AGRN: variants seen among roughly 807,000 people sequenced by gnomAD.
AGRN encodes the protein agrin, also known as agrin proteoglycan.
Under a neutral mutation model 211.0 loss-of-function variants are expected in AGRN, and 106 were observed. The observed-to-expected ratio is 0.50, with a 90% CI of 0.43 to 0.59. The LOEUF (loss-of-function observed/expected upper bound fraction) is 0.59, where lower values mean the gene tolerates loss of function less well. Ranked by LOEUF, AGRN falls within the 20% of genes least tolerant of loss-of-function variation. The probability of loss-of-function intolerance (pLI) is 0.00; values close to 1 mark genes in which losing one functional copy is unlikely to be tolerated. For synonymous variants in AGRN, 1,525 were observed against 1,332.5 expected, an observed-to-expected ratio of 1.14 and a Z score of -3.15; for missense variants, 3,040 against 2,982.6, an observed-to-expected ratio of 1.02 and a Z score of -0.45.
chr1:1,049,260 G>T lies in AGRN; in HGVS notation c.4323G>T (p.Ala1441=). 1 of 1,590,698 alleles carries T rather than the reference G, an allele frequency of 6.3e-7. No homozygotes were observed. The highest frequency in any genetic ancestry group is 2.3e-5 in the East Asian group (1 of 44,336). The stretch of plus-strand genomic sequence containing the variant: ...GGTTTGACACAGGTTCGGGGCCGGC[G>T]GTGCTGACCAGTGCCGTGCCGGTAG... ...QLRFDTGSGP[A]VLTSAVPVEP... Residue 1441 remains alanine (A), a synonymous_variant, in exon 25 of 36, where the codon GCG becomes GCT. Transcript: ENST00000379370.
chr1:1,053,654 C>T (rs1645371791), intron 33 of AGRN, 99 bp from the exon 34 acceptor site: 2 of 1,493,876 alleles, frequency 1.3e-6, no homozygotes, highest in Non-Finnish European at 1.8e-6. Context: ...CCGTCACAGC[C>T]CTTGTGGCCT....
intron 3 of AGRN, among the ~76,000 whole-genome samples, chr1:1,040,344 G>C (rs1211720918): frequency 2.0e-5 from 3 of 152,232 alleles, no homozygotes; most frequent in African/African-American, 4.8e-5. Context: ...TGGGTGGGAA[G>C]TGGGTGCTCG....
rs565710386 is a variant in AGRN, at chr1:1,039,400, C to G, written c.512-1265C>G. ...GGCTCCAGCTCCCAGTGCACCCACC[C>G]TCCTTGGAGATGGGGGGGGTTCCTC... On this transcript the variant is annotated intron_variant, in intron 3 of 35. Coordinates refer to ENST00000379370, the MANE Select transcript of AGRN (RefSeq NM_198576.4). Among the ~76,000 whole-genome samples, 334 of 74,340 alleles carry G rather than the reference C, an allele frequency of 4.5e-3. 1 individual carries two copies. The highest frequency in any genetic ancestry group is 0.01 in the Admixed American group (61 of 5,814). 48.8% of individuals were successfully genotyped at this position (74,340 alleles called of 152,430 possible).
chr1:1,053,483 G>T, intron 33 of AGRN: 1 of 1,507,166 alleles, frequency 6.6e-7, no homozygotes, highest in Non-Finnish European at 8.9e-7. Flanking sequence ...GGATTCCGGG[G>T]CCCTTCACAG....
Position 1,047,599 on chromosome 1 carries a change from C to G in AGRN, c.3543C>G (p.Asp1181Glu). ...STLDDLFRNS[D>E]VKKDFRSVRL... ...TGGACGACCTCTTCCGGAATTCAGACGTCAAGAAGGATTTTCGGAGTGTCC... is the reference window on the plus strand; with the variant it reads ...TGGACGACCTCTTCCGGAATTCAGAGGTCAAGAAGGATTTTCGGAGTGTCC... The change falls in exon 21 of 36, where the codon GAC becomes GAG. Residue 1181 changes from aspartate to glutamate, a missense_variant. This residue lies in a region of AGRN where 1,537 missense variants were observed against 1,505.0 expected (regional missense o/e 1.02). Coordinates refer to ENST00000379370, the MANE Select transcript of AGRN (RefSeq NM_198576.4). 1 of 1,612,988 alleles carries G rather than the reference C, an allele frequency of 6.2e-7. No homozygotes were observed. The highest frequency in any genetic ancestry group is 8.5e-7 in the Non-Finnish European group (1 of 1,180,026).
chr1:1,053,918 G>A lies in AGRN; in HGVS notation c.5817G>A (p.Val1939=), dbSNP rs371378860. ...GCTACAACCTGGGCTCCCAGCCCGT[G>A]GTGCTGCGTTCCACCGTGCCCGTCA... ...QLSYNLGSQP[V]VLRSTVPVNT... is the part of the protein sequence containing the mutation. The change falls in exon 34 of 36, where the codon GTG becomes GTA. Residue 1939 remains valine, a synonymous_variant. Transcript: ENST00000379370. 41 of 1,606,816 alleles carry A rather than the reference G, an allele frequency of 2.6e-5. No homozygotes were observed. In the African/African-American group the frequency reaches 4.9e-4, roughly 19 times the overall value.
rs199563268 is a variant in AGRN, at chr1:1,043,262, G to A, written c.1408G>A (p.Gly470Arg). The A allele has an allele frequency of 2.4e-5, 38 of 1,609,968 alleles. No individual in the cohort carries two copies. Among genetic ancestry groups the A allele is most frequent in the South Asian group, 2.2e-4 (20 of 90,136 alleles). The change falls in exon 8 of 36, where the codon GGG becomes AGG. Residue 470 changes from glycine (G) to arginine (R), a missense_variant. Physicochemically the swap from Gly to Arg is moderately radical, Grantham distance 125 (BLOSUM62 -2). Around this residue, in one of 3 missense-constraint regions of AGRN, gnomAD observed 1,498 missense variants for 1,457.8 expected, o/e 1.03. Transcript: ENST00000379370. ...AGACCAGGCCCCGTCCCCATGCCTC[G>A]GGGTGCAGTGTGCATTTGGGGCGAC... The part of the protein sequence containing the change: ...PCDQAPSPCL[G>R]VQCAFGATCA...
In AGRN at chr1:1,048,617, A is replaced by C; in HGVS notation, c.4106-250A>C. On this transcript the variant is annotated intron_variant, in intron 23 of 35. Coordinates refer to ENST00000379370, the MANE Select transcript of AGRN (RefSeq NM_198576.4). The surrounding 1 kb of genome is among the most constrained non-coding windows in gnomAD (Gnocchi z 5.9). Reference sequence around the variant, plus strand: ...GACACTCTGTCTCTACTAAAAATACAAAATTAGCCGGGCGTGGTGGTGGGC... The same window carrying C: ...GACACTCTGTCTCTACTAAAAATACCAAATTAGCCGGGCGTGGTGGTGGGC... 1 of 597,518 alleles carries C rather than the reference A, an allele frequency of 1.7e-6. No individual in the cohort carries two copies. Among genetic ancestry groups the C allele is most frequent in the Non-Finnish European group, 2.9e-6 (1 of 346,876 alleles). 37.0% of individuals were successfully genotyped at this position (597,518 alleles called of 1,614,324 possible).
In AGRN at chr1:1,051,568, G is replaced by A; in HGVS notation, c.5486G>A (p.Gly1829Glu). 1 of 1,590,514 alleles carries A rather than the reference G, an allele frequency of 6.3e-7. No homozygotes were observed. Among genetic ancestry groups the A allele is most frequent in the Non-Finnish European group, 8.6e-7 (1 of 1,167,338 alleles). The change falls in exon 32 of 36, where the codon GGG (glycine) becomes GAG (glutamate). Residue 1829 changes from glycine (G) to glutamate (E), a missense_variant. Gly to Glu is a moderately conservative substitution (Grantham distance 98, BLOSUM62 -2). Coordinates refer to ENST00000379370, the MANE Select transcript of AGRN (RefSeq NM_198576.4). ...TRASGHPCLN[G>E]ASCVPREAAY... ...GCCTCAGGCCACCCCTGCCTCAATG[G>A]GGCCTCCTGCGTCCCGAGGGAGGCT...
Position 1,042,037 on chromosome 1 carries a change from C to T in AGRN, c.1259C>T (p.Thr420Ile). Residue 420 changes from threonine to isoleucine, a missense_variant, in exon 7 of 36, where the codon ACC becomes ATC. By Grantham distance (89) the Thr-to-Ile change is moderately conservative. Around this residue, in one of 3 missense-constraint regions of AGRN, gnomAD observed 1,498 missense variants for 1,457.8 expected, o/e 1.03. Coordinates refer to ENST00000379370, the MANE Select transcript of AGRN (RefSeq NM_198576.4). The part of the protein sequence containing the change: ...GRPRCSCDRV[T>I]CDGAYRPVCA... ...CCCCGCTGCTCCTGCGACCGCGTCA[C>T]CTGTGACGGGGCCTACAGGCCCGTG... 2 of 1,609,874 alleles carry T rather than the reference C, an allele frequency of 1.2e-6. No individual in the cohort carries two copies. Among genetic ancestry groups the T allele is most frequent in the Non-Finnish European group, 1.7e-6 (2 of 1,179,626 alleles).
Position 1,048,791 on chromosome 1 carries a change from CAGG to C in AGRN, c.4106-75_4106-73del. 1 of 1,317,980 alleles carries C rather than the reference CAGG, an allele frequency of 7.6e-7. No homozygotes were observed. The highest frequency in any genetic ancestry group is 1.0e-6 in the Non-Finnish European group (1 of 995,050). 81.6% of individuals were successfully genotyped at this position (1,317,980 alleles called of 1,614,324 possible). A position where few individuals can be genotyped will look rare whatever the true frequency, so the allele number is the denominator to read the frequency against. Reference sequence around the variant, plus strand: ...TCAAAAAAAAAAAAAAAAAAAAAAGCAGGGGGCGGTTTCAGGGATAAAAGTGGG... The same window carrying C: ...TCAAAAAAAAAAAAAAAAAAAAAAGCGGGCGGTTTCAGGGATAAAAGTGGG... On this transcript the variant is annotated intron_variant, in intron 23 of 35. Coordinates refer to ENST00000379370, the MANE Select transcript of AGRN (RefSeq NM_198576.4). This position sits in a 1 kb window ranked among gnomAD's most constrained non-coding sequence, Gnocchi z 5.9.
At chr1:1,039,243 T>A (rs1219707925) in intron 3 of AGRN, among the ~76,000 whole-genome samples, 8 of 150,778 alleles carry the variant, frequency 5.3e-5, no homozygotes, top group African/African-American at 2.0e-4. Context: ...GACAGGGATC[T>A]GGTGGGGGGA....
intron 3 of AGRN, among the ~76,000 whole-genome samples, chr1:1,039,500 T>G (rs577105363): frequency 6.6e-5 from 10 of 151,512 alleles, no homozygotes; most frequent in Non-Finnish European, 1.2e-4. Flanking sequence ...TAATGATAAT[T>G]GGACCCAATT....
intron 3 of AGRN, among the ~76,000 whole-genome samples, chr1:1,038,976 T>C (rs2465132): frequency 0.88 from 134,044 of 152,104 alleles, 59,613 homozygotes; most frequent in East Asian, 1. Context: ...ATACTTACAG[T>C]GGCAGCAGAC....
rs773243053 is a variant in AGRN, at chr1:1,053,967, G to A, written c.5866G>A (p.Val1956Met). ...PVNTNRWLRVVAHREQREGSL... is the reference protein window; with the variant it reads ...PVNTNRWLRVMAHREQREGSL... Reference sequence around the variant, plus strand: ...CAACACCAACCGCTGGTTGCGGGTCGTGGCACATAGGTGAGTAGGGAACCC... The same window carrying A: ...CAACACCAACCGCTGGTTGCGGGTCATGGCACATAGGTGAGTAGGGAACCC... Residue 1956 changes from valine (V) to methionine (M), a missense_variant, in exon 34 of 36, where the codon GTG becomes ATG. Val to Met is a conservative substitution (Grantham distance 21). Coordinates refer to ENST00000379370, the MANE Select transcript of AGRN (RefSeq NM_198576.4). The A allele has an allele frequency of 1.4e-5, 23 of 1,599,964 alleles. No homozygotes were observed. The highest frequency in any genetic ancestry group is 4.5e-5 in the East Asian group (2 of 44,394).
rs2100684565 is a variant in AGRN, at chr1:1,050,722, C to G, written c.5142-4C>G. Reference sequence around the variant, plus strand: ...AGCCCACTCACGCTGCCCCTCCTCACCAGGAGCAGGGAGCCAGTCACCCTG... The same window carrying G: ...AGCCCACTCACGCTGCCCCTCCTCAGCAGGAGCAGGGAGCCAGTCACCCTG... On this transcript the variant is annotated splice_region_variant and splice_polypyrimidine_tract_variant and intron_variant, in intron 29 of 35. Coordinates refer to ENST00000379370, the MANE Select transcript of AGRN (RefSeq NM_198576.4). 6.2e-7 allele frequency: 1 copy of G among 1,601,064 alleles called. No individual in the cohort carries two copies.
chr1:1,041,439 C>G (rs1355539830), intron 5 of AGRN, 39 bp from the exon 6 acceptor site: 2 of 1,555,542 alleles, frequency 1.3e-6, no homozygotes, highest in South Asian at 2.3e-5. Context: ...TCTGTGGGCG[C>G]GCGGCGACAG....
chr1:1,043,332 C>G lies in AGRN; in HGVS notation c.1478C>G (p.Ala493Gly). 6.2e-7 allele frequency: 1 copy of G among 1,607,830 alleles called. No homozygotes were observed. The highest frequency in any genetic ancestry group is 1.7e-5 in the Admixed American group (1 of 58,876). ...CAGGCAGCGTGTGAATGCCTGCAGGCGTGCTCGAGCCTCTACGATCCTGTG... is the reference window on the plus strand; with the variant it reads ...CAGGCAGCGTGTGAATGCCTGCAGGGGTGCTCGAGCCTCTACGATCCTGTG... ...NGQAACECLQ[A>G]CSSLYDPVCG... The change falls in exon 8 of 36, where the codon GCG becomes GGG. Residue 493 changes from alanine to glycine, a missense_variant. Transcript: ENST00000379370.
Position 1,051,517 on chromosome 1 carries a change from C to T in AGRN, c.5435C>T (p.Ser1812Phe). ...EHVLRQVDVT[S>F]FAGHPCTRAS... ...GTGCTGCGGCAGGTGGACGTCACGT[C>T]CTTTGCAGGTCACCCCTGCACCCGG... Residue 1812 changes from serine to phenylalanine, a missense_variant, in exon 32 of 36, where the codon TCC (serine) becomes TTC (phenylalanine). Ser to Phe is a radical substitution (Grantham distance 155, BLOSUM62 -2). This residue lies in a region of AGRN where 1,537 missense variants were observed against 1,505.0 expected (regional missense o/e 1.02). Transcript: ENST00000379370. 1.3e-6 allele frequency: 2 copies of T among 1,568,244 alleles called. No individual in the cohort carries two copies. The highest frequency in any genetic ancestry group is 1.7e-6 in the Non-Finnish European group (2 of 1,158,696).
Sources: allele counts gnomAD v4.1 joint callset (sites outside exome capture counted in the v4.1 genomes callset), GRCh38; gene constraint gnomAD v4.1.1; regional missense constraint gnomAD v4.1.1; non-coding constraint Gnocchi (gnomAD v3.1); transcripts MANE v1.5; gene names NCBI Gene and HGNC (gene_info 2026-07-23, HGNC 2026-07-21).